Variants in TGFBR2 observed in about 807,000 individuals in gnomAD.
TGFBR2 encodes transforming growth factor beta receptor 2, also known as TGF-beta receptor type-2.
TGFBR2 carries 18 observed loss-of-function variants against 49.0 expected under a neutral mutation model. That is an observed-to-expected ratio of 0.37 (90% CI 0.25 to 0.54). TGFBR2 has a LOEUF of 0.54. Ranked by LOEUF, TGFBR2 falls within the 20% of genes least tolerant of loss-of-function variation. TGFBR2 has a pLI of 0.85. For missense variants in TGFBR2, 525 were observed against 722.6 expected (o/e 0.73, Z 3.13); for synonymous variants, 282 against 275.9 (o/e 1.02, Z -0.22).
At position 30,615,670 on chromosome 3, in the gene TGFBR2, ATT is replaced by A. The variant is rs1398026653; in HGVS notation, c.94+8695_94+8696del. On this transcript the variant is annotated intron_variant, in intron 1 of 6. Coordinates refer to ENST00000295754, the MANE Select transcript of TGFBR2 (RefSeq NM_003242.6). ...GGTATGGCAATCAGTTAATAAAAAT[ATT>A]TGTTTTTTAAACACTTCATATTTGT... is the stretch of plus-strand genomic sequence containing the variant. 3.9e-5 allele frequency among the ~76,000 whole-genome samples: 6 copies of A among 152,164 alleles called. No homozygotes were observed. The East Asian group carries it at 1.2e-3, about 29-fold the overall frequency.
At chr3:30,607,311 G>A (rs951788789) in intron 1 of TGFBR2, among the ~76,000 whole-genome samples, 4 of 152,228 alleles carry the variant, frequency 2.6e-5, no homozygotes, top group African/African-American at 9.6e-5. Context: ...GGCGGCCGGG[G>A]AGCAGCGGCC....
intron 1 of TGFBR2, among the ~76,000 whole-genome samples, chr3:30,612,370 T>C (rs1022498886): frequency 1.3e-5 from 2 of 152,140 alleles, no homozygotes; most frequent in Non-Finnish European, 2.9e-5. Context: ...CTAGGTTCTT[T>C]CGTGTGGTCT....
chr3:30,647,684 A>T (rs1035905749), intron 2 of TGFBR2, among the ~76,000 whole-genome samples: 1 of 151,784 alleles, frequency 6.6e-6, no homozygotes, highest in African/African-American at 2.4e-5. Context: ...TATTATTATT[A>T]TTTTTAAATT....
intron 3 of TGFBR2, chr3:30,661,746 GGT>G (rs1699136690): frequency 3.0e-5 from 11 of 361,698 alleles, no homozygotes; most frequent in South Asian, 1.7e-4. Flanking sequence ...TGGAAGAGGA[GGT>G]GAGAGTCCTG....
At chr3:30,626,373 A>G (rs1258742682) in intron 1 of TGFBR2, 1 of 152,350 alleles carries the variant, frequency 6.6e-6, no homozygotes, top group Non-Finnish European at 1.5e-5. Context: ...ATGGTTAAAA[A>G]CCAAAACCGG....
intron 1 of TGFBR2, among the ~76,000 whole-genome samples, chr3:30,607,661 C>G (rs1055037321): frequency 3.3e-5 from 5 of 151,746 alleles, no homozygotes; most frequent in Admixed American, 6.6e-5. Flanking sequence ...TTGCCTGGAA[C>G]AAGATAGTCC....
intron 3 of TGFBR2, among the ~76,000 whole-genome samples, chr3:30,658,745 G>T (rs1699054998): frequency 6.6e-6 from 1 of 152,168 alleles, no homozygotes; most frequent in Non-Finnish European, 1.5e-5. Flanking sequence ...TGGTTTGCTA[G>T]CCTATCTCTG....
chr3:30,661,906 A>G (rs111396214), intron 3 of TGFBR2, among the ~76,000 whole-genome samples: 10 of 152,324 alleles, frequency 6.6e-5, no homozygotes, highest in African/African-American at 1.9e-4. Context: ...ATTGGGCGCT[A>G]TATGCTGGGC....
chr3:30,629,180 A>G (rs1408516946), intron 1 of TGFBR2, among the ~76,000 whole-genome samples: 1 of 152,226 alleles, frequency 6.6e-6, no homozygotes, highest in Non-Finnish European at 1.5e-5. Context: ...ATTCCTGGCC[A>G]CATGTGGCTA....
At chr3:30,665,572 A>T (rs534987835) in intron 3 of TGFBR2, among the ~76,000 whole-genome samples, 1 of 152,086 alleles carries the variant, frequency 6.6e-6, no homozygotes, top group Non-Finnish European at 1.5e-5. Context: ...CTCCCTTCCC[A>T]CTCCACAGAA....
chr3:30,624,505 A>C (rs1436902190), intron 1 of TGFBR2, among the ~76,000 whole-genome samples: 1 of 151,960 alleles, frequency 6.6e-6, no homozygotes, highest in African/African-American at 2.4e-5. Context: ...AGTCCCAGCT[A>C]TTCGGGAGGC....
intron 1 of TGFBR2, among the ~76,000 whole-genome samples, chr3:30,610,496 A>T (rs542193763): frequency 2.0e-5 from 3 of 152,142 alleles, no homozygotes; most frequent in Non-Finnish European, 4.4e-5. Context: ...AGCCAGCATG[A>T]TGGACCCAAT....
intron 1 of TGFBR2, among the ~76,000 whole-genome samples, chr3:30,640,619 C>T (rs1437505384): frequency 6.6e-6 from 1 of 151,958 alleles, no homozygotes; most frequent in East Asian, 2.0e-4. Context: ...AGAAAAAAGT[C>T]TGTACATAAT....
At chr3:30,651,275 C>T (rs752710035) in intron 3 of TGFBR2, among the ~76,000 whole-genome samples, 9 of 152,160 alleles carry the variant, frequency 5.9e-5, no homozygotes, top group Non-Finnish European at 1.2e-4. Context: ...CCCTCACTCC[C>T]AATGCAACAG....
rs184627097 is a variant in TGFBR2, at chr3:30,684,408, A to G, written c.1397-3976A>G. ...GGAAAATCTATGTTACATAAATAGG[A>G]CATTTTTCAGAAGTTAAAGAAAGGT... On this transcript the variant is annotated intron_variant, in intron 5 of 6. Transcript: ENST00000295754. Among the ~76,000 whole-genome samples, 127 of 152,358 alleles carry G rather than the reference A, an allele frequency of 8.3e-4. 1 individual carries two copies. The South Asian group carries it at 0.021, about 25-fold the overall frequency.
rs80058818 is a variant in TGFBR2, at chr3:30,654,735, G to A, written c.454+4275G>A. Among the ~76,000 whole-genome samples the A allele has an allele frequency of 3.5e-3, 532 of 152,322 alleles. 3 individuals carry two copies. Among genetic ancestry groups the A allele is most frequent in the African/African-American group, 0.012 (513 of 41,578 alleles). The stretch of plus-strand genomic sequence containing the variant: ...GGCAGCAGCACAGGAGGTAGGAGAG[G>A]AAGGAATCCTGAGCAAATAGCCATG... On this transcript the variant is annotated intron_variant, in intron 3 of 6. Coordinates refer to ENST00000295754, the MANE Select transcript of TGFBR2 (RefSeq NM_003242.6).
chr3:30,685,110 C>G (rs536223551), intron 5 of TGFBR2, among the ~76,000 whole-genome samples: 35 of 152,288 alleles, frequency 2.3e-4, no homozygotes, highest in African/African-American at 8.2e-4. Flanking sequence ...GTCATGTCCT[C>G]CTCTGTCACT....
At position 30,677,585 on chromosome 3, in the gene TGFBR2, T is replaced by G. The variant is rs3821670; in HGVS notation, c.1396+3339T>G. On this transcript the variant is annotated intron_variant, in intron 5 of 6. Transcript: ENST00000295754. ...TCTTCTTTTAAAAGCATTAGTGGTT[T>G]TTGTTTGTTTCTTTTTGGCATGTCT... Among the ~76,000 whole-genome samples the G allele has an allele frequency of 2.6e-4, 39 of 152,352 alleles. No individual in the cohort carries two copies. The East Asian group carries it at 7.1e-3, about 28-fold the overall frequency.
At chr3:30,642,797 GA>G (rs1477868500) in intron 1 of TGFBR2, among the ~76,000 whole-genome samples, 1 of 151,876 alleles carries the variant, frequency 6.6e-6, no homozygotes, top group African/African-American at 2.4e-5. Context: ...AACCATGTTA[GA>G]AAAAAATACA....
Sources: allele counts gnomAD v4.1 joint callset (sites outside exome capture counted in the v4.1 genomes callset), GRCh38; gene constraint gnomAD v4.1.1; transcripts MANE v1.5; gene names NCBI Gene and HGNC (gene_info 2026-07-23, HGNC 2026-07-21).